The following ATL3 variants were observed in gnomAD, a reference collection of about 807,000 sequenced individuals.
The protein encoded by ATL3 is atlastin-3.
Under a neutral mutation model 69.5 loss-of-function variants are expected in ATL3, and 49 were observed. The ratio of observed to expected loss-of-function variants is 0.71; its 90% CI spans 0.56 to 0.89. The LOEUF (loss-of-function observed/expected upper bound fraction) is 0.89. ATL3 is among the 40% of genes least tolerant of loss of function. ATL3 has a pLI of 0.00. For synonymous variants in ATL3, 214 were observed against 224.1 expected (o/e 0.95, Z 0.40); for missense variants, 606 against 645.7 (o/e 0.94, Z 0.67).
At chr11:63,671,818 T>A, upstream of ATL3, 3 of 1,021,522 alleles carry the variant, frequency 2.9e-6, no homozygotes, top group South Asian at 5.4e-5. Flanking sequence ...CGGGTCCTCC[T>A]GCGAGCTGCG....
intron 5 of ATL3, 81 bp from the exon 6 acceptor site, chr11:63,646,644 T>C (rs920063524): frequency 1.2e-6 from 1 of 861,288 alleles, no homozygotes; most frequent in African/African-American, 1.7e-5. Flanking sequence ...GTATTCATTA[T>C]ATTTATACTG....
chr11:63,635,318 G>C (rs1488194911), intron 10 of ATL3, among the ~76,000 whole-genome samples: 1 of 152,006 alleles, frequency 6.6e-6, no homozygotes, highest in Non-Finnish European at 1.5e-5. Flanking sequence ...AGTGAGGAGA[G>C]GCCATTTCGT....
intron 3 of ATL3, among the ~76,000 whole-genome samples, chr11:63,656,172 C>A (rs760302584): frequency 6.6e-6 from 1 of 150,440 alleles, no homozygotes; most frequent in East Asian, 2.0e-4. Context: ...TGCAGTGAGC[C>A]GAGATCACGC....
chr11:63,671,769 C>A, upstream of ATL3: 1 of 1,177,156 alleles, frequency 8.5e-7, no homozygotes, highest in Non-Finnish European at 1.1e-6. Flanking sequence ...GACTGAACTA[C>A]AACTCCCAGC....
Position 63,643,346 on chromosome 11 carries a change from C to T in ATL3, c.850+11G>A. ...TCGAATCACAGGTTTAAAATAACAC[C>T]TGGAACACACCTTTTAATTTCCCAT... On this transcript the variant is annotated intron_variant, in intron 8 of 12. Coordinates refer to ENST00000398868, the MANE Select transcript of ATL3 (RefSeq NM_015459.5). The T allele has an allele frequency of 6.3e-7, 1 of 1,592,754 alleles. No homozygotes were observed. The highest frequency in any genetic ancestry group is 8.5e-7 in the Non-Finnish European group (1 of 1,171,206).
chr11:63,671,500 G>A (rs74383103), upstream of ATL3: 197,637 of 1,451,970 alleles, frequency 0.14, 14,482 homozygotes, highest in South Asian at 0.17. Context: ...CGAGCGCAGC[G>A]CGGTCTGCGT....
At chr11:63,671,794 G>GGGGCGGGCTGGCTCGGGTCCTC, upstream of ATL3, 1 of 1,134,532 alleles carries the variant, frequency 8.8e-7, no homozygotes, top group Non-Finnish European at 1.1e-6. Context: ...TGTGCGGGAA[G>GGGGCGGGCTGGCTCGGGTCCTC]GGGCGGGCTG....
intron 2 of ATL3, 33 bp from the exon 3 acceptor site, chr11:63,658,937 A>T: frequency 6.3e-7 from 1 of 1,582,968 alleles, no homozygotes; most frequent in Non-Finnish European, 8.6e-7. Context: ...TTAAATCTTA[A>T]ATTAAAAATT....
rs201764905 is a variant in ATL3, at chr11:63,655,130, G to GT, written c.406-2556dup. 3.9e-5 allele frequency among the ~76,000 whole-genome samples: 6 copies of GT among 152,226 alleles called. No homozygotes were observed. The South Asian group carries it at 1.2e-3, about 32-fold the overall frequency. ...GTAGTTAAGTAATTTGGAAACTCTG[G>GT]TTTTTTCTGTTCTTGCTGTTTAGAT... On this transcript the variant is annotated intron_variant, in intron 3 of 12. Transcript: ENST00000398868.
intron 1 of ATL3, among the ~76,000 whole-genome samples, chr11:63,671,033 G>A (rs1215419016): frequency 6.6e-6 from 1 of 152,136 alleles, no homozygotes; most frequent in Non-Finnish European, 1.5e-5. Flanking sequence ...GCCCCCGGCG[G>A]CACCAGGGCC....
rs749476216 is a variant in ATL3 at position 63,652,572 on chromosome 11, C to A, written c.409G>T (p.Ala137Ser). Residue 137 changes from alanine to serine, a missense_variant, in exon 4 of 13, where the codon GCA becomes TCA. By Grantham distance (99) the Ala-to-Ser change is moderately conservative. Transcript: ENST00000398868. ...CCCTGGGTATCCATCAGAACAACTG[C>A]AACCTAAAAAAAAGGAAAATACAAA... ...TVEKPGGKKV[A>S]VVLMDTQGAF... 4 of 1,599,862 alleles carry A rather than the reference C, an allele frequency of 2.5e-6. No individual in the cohort carries two copies. The highest frequency in any genetic ancestry group is 3.4e-6 in the Non-Finnish European group (4 of 1,173,116).
chr11:63,643,894 T>C (rs1939781991), intron 7 of ATL3, among the ~76,000 whole-genome samples: 1 of 152,208 alleles, frequency 6.6e-6, no homozygotes, highest in African/African-American at 2.4e-5. Flanking sequence ...GTATGATTTC[T>C]AAAGACACAT....
At chr11:63,667,669 CAGG>C (rs1162717993) in intron 1 of ATL3, among the ~76,000 whole-genome samples, 1 of 150,886 alleles carries the variant, frequency 6.6e-6, no homozygotes, top group East Asian at 1.9e-4. Flanking sequence ...GAGGCTGAAG[CAGG>C]AGAATCACTT....
At chr11:63,644,014 T>C (rs1939784905) in intron 7 of ATL3, among the ~76,000 whole-genome samples, 155 bp downstream of exon 7, 1 of 152,232 alleles carries the variant, frequency 6.6e-6, no homozygotes, top group Admixed American at 6.5e-5. Context: ...TCTTTAATCT[T>C]GTCAAGAATA....
Position 63,636,295 on chromosome 11 carries a change from A to G in ATL3, c.890T>C (p.Ile297Thr), listed in dbSNP as rs1273963803. The change falls in exon 9 of 13, where the codon ATA (isoleucine) becomes ACA (threonine). Residue 297 changes from isoleucine to threonine, a missense_variant. Coordinates refer to ENST00000398868, the MANE Select transcript of ATL3 (RefSeq NM_015459.5). ...CTTAGATGGGTTTAATACATACGGT[A>G]TCAGTGCCTGTAACTGCTCTTTGAA... ...GEFKEQLQALIPYVLNPSKLM... is the reference protein window; with the variant it reads ...GEFKEQLQALTPYVLNPSKLM... 1 of 1,614,046 alleles carries G rather than the reference A, an allele frequency of 6.2e-7. No individual in the cohort carries two copies. Among genetic ancestry groups the G allele is most frequent in the Non-Finnish European group, 8.5e-7 (1 of 1,180,034 alleles).
intron 5 of ATL3, among the ~76,000 whole-genome samples, chr11:63,647,444 C>T (rs923593877): frequency 6.6e-6 from 1 of 152,156 alleles, no homozygotes; most frequent in Non-Finnish European, 1.5e-5. Flanking sequence ...CCACCTGCCT[C>T]GGCCTTCCAA....
Position 63,643,255 on chromosome 11 carries a change from G to C in ATL3, c.850+102C>G, listed in dbSNP as rs534541884. Reference sequence around the variant, plus strand: ...ACTTTAAATACTACTCTTTCTAAGAGAGCATACCATTTTTCTTAAGCATTC... The same window carrying C: ...ACTTTAAATACTACTCTTTCTAAGACAGCATACCATTTTTCTTAAGCATTC... On this transcript the variant is annotated intron_variant, in intron 8 of 12. Coordinates refer to ENST00000398868, the MANE Select transcript of ATL3 (RefSeq NM_015459.5). 1.0e-4 allele frequency: 128 copies of C among 1,266,818 alleles called. 1 individual carries two copies. The South Asian group carries it at 1.8e-3, about 18-fold the overall frequency. 78.5% of individuals were successfully genotyped at this position (1,266,818 alleles called of 1,614,324 possible).
At chr11:63,665,983 T>C (rs1940562055) in intron 1 of ATL3, among the ~76,000 whole-genome samples, 1 of 152,120 alleles carries the variant, frequency 6.6e-6, no homozygotes, top group African/African-American at 2.4e-5. Context: ...GCTGCTTATA[T>C]ATTACACCTT....
At chr11:63,637,654 G>C (rs1939564643) in intron 8 of ATL3, 1 of 152,104 alleles carries the variant, frequency 6.6e-6, no homozygotes. Flanking sequence ...GAAGACACAG[G>C]AGAATTAAAA....
Sources: allele counts gnomAD v4.1 joint callset (sites outside exome capture counted in the v4.1 genomes callset), GRCh38; gene constraint gnomAD v4.1.1; transcripts MANE v1.5; gene names NCBI Gene and HGNC (gene_info 2026-07-23, HGNC 2026-07-21).